The following JARID2 variants were observed in gnomAD, a reference collection of about 807,000 sequenced individuals.
The protein encoded by JARID2 is protein Jumonji.
JARID2 carries 21 observed loss-of-function variants against 125.6 expected under a neutral mutation model. The ratio of observed to expected loss-of-function variants is 0.17; its 90% CI spans 0.12 to 0.24. JARID2 has a LOEUF of 0.24. Ranked by LOEUF, JARID2 falls within the 10% of genes least tolerant of loss-of-function variation. JARID2 has a pLI of 1.00. For synonymous variants in JARID2, 736 were observed against 661.6 expected, an observed-to-expected ratio of 1.11 and a Z score of -1.73; for missense variants, 1,303 against 1,639.6, an observed-to-expected ratio of 0.79 and a Z score of 3.55.
At chr6:15,512,156 A>G (rs776347049) in intron 13 of JARID2, 52 bp from the exon 14 acceptor site, 337 of 1,537,280 alleles carry the variant, frequency 2.2e-4, no homozygotes, top group Non-Finnish European at 2.8e-4. Context: ...TGAAGACTGC[A>G]GGTGTCCCTG....
chr6:15,469,361 C>CTTCCCCTTCTCCCCCT (rs1213847761), intron 5 of JARID2, among the ~76,000 whole-genome samples: 1 of 8,440 alleles, frequency 1.2e-4, no homozygotes, highest in East Asian at 3.1e-3. Flanking sequence ...CTCTCTCTCT[C>CTTCCCCTTCTCCCCCT]CTCCCCTTCT....
intron 4 of JARID2, among the ~76,000 whole-genome samples, chr6:15,465,137 T>G (rs1490415356): frequency 1.3e-5 from 2 of 152,206 alleles, no homozygotes; most frequent in East Asian, 3.8e-4. Flanking sequence ...TAATGTTGGT[T>G]GTTTTCTGCT....
At chr6:15,389,985 C>G (rs1764937092) in intron 2 of JARID2, among the ~76,000 whole-genome samples, 1 of 152,122 alleles carries the variant, frequency 6.6e-6, no homozygotes, top group Non-Finnish European at 1.5e-5. Flanking sequence ...ATGCACATGG[C>G]TTTTAGTTTC....
intron 5 of JARID2, among the ~76,000 whole-genome samples, chr6:15,471,196 A>G (rs1281592686): frequency 6.6e-6 from 1 of 152,222 alleles, no homozygotes; most frequent in Non-Finnish European, 1.5e-5. Flanking sequence ...TAACTTTATA[A>G]TCTTTTGAGT....
At chr6:15,373,378 C>G (rs761902502) in intron 1 of JARID2, among the ~76,000 whole-genome samples, 1 of 152,102 alleles carries the variant, frequency 6.6e-6, no homozygotes, top group Non-Finnish European at 1.5e-5. Context: ...TGTTTTTGGT[C>G]ATCTCTGCAT....
At chr6:15,486,542 T>G (rs1398398154) in intron 5 of JARID2, among the ~76,000 whole-genome samples, 2 of 152,244 alleles carry the variant, frequency 1.3e-5, no homozygotes, top group African/African-American at 2.4e-5. Flanking sequence ...CCAGTAGGGT[T>G]GTTCTGAGGA....
chr6:15,302,848 C>T (rs2127414055), intron 1 of JARID2, among the ~76,000 whole-genome samples: 1 of 152,234 alleles, frequency 6.6e-6, no homozygotes. Flanking sequence ...GATTCTTCTG[C>T]CGCAGCCTCC....
At chr6:15,459,749 A>G (rs1192971164) in intron 4 of JARID2, among the ~76,000 whole-genome samples, 1 of 152,220 alleles carries the variant, frequency 6.6e-6, no homozygotes, top group African/African-American at 2.4e-5. Context: ...ATGTGGTCCT[A>G]GCCTTGAGTA....
chr6:15,321,555 AGACT>A (rs1315851228), intron 1 of JARID2, among the ~76,000 whole-genome samples: 2 of 152,182 alleles, frequency 1.3e-5, no homozygotes, highest in African/African-American at 4.8e-5. Flanking sequence ...TCAGAACCAA[AGACT>A]GACTGTCAGG....
rs924378548 is a variant in JARID2, at chr6:15,520,733, TGTC to T, written c.*486_*488del. On this transcript the variant is annotated 3_prime_UTR_variant, in exon 18 of 18. Coordinates refer to ENST00000341776, the MANE Select transcript of JARID2 (RefSeq NM_004973.4). The stretch of plus-strand genomic sequence containing the variant: ...AAACTTGAAATGGCTTTGCTTTGGC[TGTC>T]GTCTTCTGCCGTGTGCCAGATGAGC... 19 of 455,684 alleles carry T rather than the reference TGTC, an allele frequency of 4.2e-5. No individual in the cohort carries two copies. Among genetic ancestry groups the T allele is most frequent in the South Asian group, 1.5e-4 (10 of 64,532 alleles). The allele number at this position is 455,684 out of a possible 1,614,324, so 28.2% of individuals were successfully genotyped here.
chr6:15,450,057 C>T (rs777558771), intron 3 of JARID2, among the ~76,000 whole-genome samples: 6 of 152,062 alleles, frequency 3.9e-5, no homozygotes, highest in Non-Finnish European at 5.9e-5. Flanking sequence ...TTAAATGTTA[C>T]AGCATTTTGA....
At position 15,470,368 on chromosome 6, in the gene JARID2, T is replaced by C. The variant is rs564244686; in HGVS notation, c.670+1650T>C. Among the ~76,000 whole-genome samples the C allele has an allele frequency of 4.0e-3, 612 of 152,284 alleles. 4 individuals are homozygous for C. The highest frequency in any genetic ancestry group is 0.02 in the Middle Eastern group (6 of 294). ...GAAAATCAGTGCTGTCTGTAAGTGA[T>C]TGAGGCAAAGGAGAGCTGCTCATTT... is the stretch of plus-strand genomic sequence containing the variant. On this transcript the variant is annotated intron_variant, in intron 5 of 17. Coordinates refer to ENST00000341776, the MANE Select transcript of JARID2 (RefSeq NM_004973.4).
chr6:15,266,530 A>G (rs376967842), intron 1 of JARID2, among the ~76,000 whole-genome samples: 5 of 152,324 alleles, frequency 3.3e-5, no homozygotes, highest in East Asian at 3.9e-4. Context: ...TTGTCAGCCT[A>G]GCAGCGCTTG....
intron 1 of JARID2, among the ~76,000 whole-genome samples, chr6:15,270,948 A>G (rs1026517973): frequency 6.6e-6 from 1 of 152,062 alleles, no homozygotes; most frequent in Non-Finnish European, 1.5e-5. Flanking sequence ...CTCAAAAAAA[A>G]AAAGGAGAGA....
At chr6:15,392,694 T>C (rs949031097) in intron 2 of JARID2, among the ~76,000 whole-genome samples, 2 of 151,416 alleles carry the variant, frequency 1.3e-5, no homozygotes, top group Non-Finnish European at 2.9e-5. Context: ...TTTTTTTTTT[T>C]TTTTTGAGTC....
At chr6:15,379,979 T>C (rs1278360702) in intron 2 of JARID2, among the ~76,000 whole-genome samples, 4 of 152,002 alleles carry the variant, frequency 2.6e-5, no homozygotes, top group African/African-American at 9.7e-5. Flanking sequence ...ACTTTACTTT[T>C]TTTAAGTAGG....
In JARID2 at chr6:15,404,519, G is replaced by GCACACA. The variant is rs3138770; in HGVS notation, c.182-5656_182-5651dup. On this transcript the variant is annotated intron_variant, in intron 2 of 17. Transcript: ENST00000341776. The stretch of plus-strand genomic sequence containing the variant: ...TATAATTTTTCTATCATCTTAAAGT[G>GCACACA]CACACACACACACACACACACACAC... 4.3e-3 allele frequency among the ~76,000 whole-genome samples: 599 copies of GCACACA among 138,334 alleles called. 1 individual carries two copies. Among genetic ancestry groups the GCACACA allele is most frequent in the African/African-American group, 6.7e-3 (242 of 36,030 alleles). 90.8% of individuals were successfully genotyped at this position (138,334 alleles called of 152,430 possible). A position where few individuals can be genotyped will look rare whatever the true frequency, so the allele number is the denominator to read the frequency against.
At chr6:15,485,948 A>C (rs866597978) in intron 5 of JARID2, among the ~76,000 whole-genome samples, 1 of 152,234 alleles carries the variant, frequency 6.6e-6, no homozygotes, top group South Asian at 2.1e-4. Context: ...CAAAGGAGGA[A>C]TAATTTTCAC....
intron 1 of JARID2, among the ~76,000 whole-genome samples, chr6:15,312,124 T>C (rs1762034494): frequency 6.6e-6 from 1 of 151,988 alleles, no homozygotes. Context: ...GGTGCGATCT[T>C]GGCTCACTGC....
Sources: allele counts gnomAD v4.1 joint callset (sites outside exome capture counted in the v4.1 genomes callset), GRCh38; gene constraint gnomAD v4.1.1; transcripts MANE v1.5; gene names NCBI Gene and HGNC (gene_info 2026-07-23, HGNC 2026-07-21).